The following PCSK2 variants were observed in gnomAD, a reference collection of about 807,000 sequenced individuals.
The protein encoded by PCSK2 is neuroendocrine convertase 2.
In PCSK2, 14 loss-of-function variants were observed where a neutral mutation model predicts 69.7. The observed-to-expected ratio is 0.20, with a 90% CI of 0.13 to 0.31. The LOEUF is 0.31. Among genes scored for constraint, PCSK2 ranks in the 10% least tolerant of loss-of-function variants. PCSK2 has a pLI of 1.00. For missense variants in PCSK2, 544 were observed against 842.5 expected (o/e 0.65, Z 4.39); for synonymous variants, 307 against 320.7 (o/e 0.96, Z 0.46).
At chr20:17,454,294 T>A (rs2032880379) in intron 9 of PCSK2, among the ~76,000 whole-genome samples, 1 of 152,198 alleles carries the variant, frequency 6.6e-6, no homozygotes, top group Admixed American at 6.5e-5. Flanking sequence ...ACTAACTCAT[T>A]GTAAGAACCA....
At chr20:17,347,873 AAAG>A (rs1990706745) in intron 2 of PCSK2, among the ~76,000 whole-genome samples, 1 of 2,822 alleles carries the variant, frequency 3.5e-4, no homozygotes, top group East Asian at 3.4e-3. Context: ...GAGAGAGAAA[AAAG>A]AAAGAAAGAA....
At chr20:17,370,445 G>A (rs537791734) in intron 5 of PCSK2, among the ~76,000 whole-genome samples, 6 of 152,312 alleles carry the variant, frequency 3.9e-5, no homozygotes, top group South Asian at 2.1e-4. Context: ...ATTGAGAGGA[G>A]CATCTTTTTT....
In PCSK2 at chr20:17,246,367, G is replaced by A. The variant is rs141524505; in HGVS notation, c.178-13873G>A. Reference sequence around the variant, plus strand: ...AATCCACTTGGCTGTGGGTTGGAGCGGCTCTATTAGAATTGACTGGGGATA... The same window carrying A: ...AATCCACTTGGCTGTGGGTTGGAGCAGCTCTATTAGAATTGACTGGGGATA... On this transcript the variant is annotated intron_variant, in intron 1 of 11. Coordinates refer to ENST00000262545, the MANE Select transcript of PCSK2 (RefSeq NM_002594.5). Among the ~76,000 whole-genome samples, 451 of 152,190 alleles carry A rather than the reference G, an allele frequency of 3.0e-3. 1 individual carries two copies. Among genetic ancestry groups the A allele is most frequent in the South Asian group, 0.029 (140 of 4,816 alleles).
Position 17,456,925 on chromosome 20 carries a change from AC to A in PCSK2, c.1202+478del, listed in dbSNP as rs1365925374. On this transcript the variant is annotated intron_variant, in intron 10 of 11. Transcript: ENST00000262545. ...TTGTGAAGTGGATTCACTTTTTAAC[AC>A]TGAAACAAGATAGGCAAAGTCACGC... Among the ~76,000 whole-genome samples the A allele has an allele frequency of 2.6e-5, 4 of 152,198 alleles. No individual in the cohort carries two copies. The East Asian group carries it at 7.7e-4, about 29-fold the overall frequency.
intron 2 of PCSK2, among the ~76,000 whole-genome samples, chr20:17,327,097 A>G (rs911351584): frequency 6.6e-6 from 1 of 152,224 alleles, no homozygotes; most frequent in African/African-American, 2.4e-5. Context: ...CAGTAACACA[A>G]TGTAAACAGG....
At chr20:17,350,445 C>T (rs2029944289) in intron 2 of PCSK2, among the ~76,000 whole-genome samples, 2 of 151,880 alleles carry the variant, frequency 1.3e-5, no homozygotes, top group African/African-American at 2.4e-5. Context: ...CCTTTGCTCC[C>T]CTTTCTCCTG....
chr20:17,352,861 G>C (rs920523862), intron 2 of PCSK2, among the ~76,000 whole-genome samples: 3 of 152,066 alleles, frequency 2.0e-5, no homozygotes, highest in Non-Finnish European at 4.4e-5. Flanking sequence ...CCTAATTAAG[G>C]TGCTTCTGCA....
intron 6 of PCSK2, among the ~76,000 whole-genome samples, chr20:17,422,274 G>GAAC (rs2032148944): frequency 3.3e-5 from 5 of 152,162 alleles, no homozygotes. Flanking sequence ...CATTCTCTAA[G>GAAC]TCTGACAAGA....
intron 2 of PCSK2, among the ~76,000 whole-genome samples, chr20:17,303,474 TA>T (rs1989186891): frequency 2.1e-5 from 1 of 47,144 alleles, no homozygotes; most frequent in African/African-American, 7.8e-5. Context: ...ATATATATTA[TA>T]TATAATATAT....
chr20:17,336,999 A>C (rs991347346), intron 2 of PCSK2, among the ~76,000 whole-genome samples: 2 of 152,208 alleles, frequency 1.3e-5, no homozygotes, highest in East Asian at 3.9e-4. Context: ...TTTGATATAG[A>C]GGACATCCAA....
intron 10 of PCSK2, 191 bp from the exon 11 acceptor site, chr20:17,465,135 T>C: frequency 1.7e-6 from 1 of 602,706 alleles, no homozygotes; most frequent in Non-Finnish European, 3.0e-6. Context: ...AGAAGATTTC[T>C]TTAATTGACT....
At chr20:17,253,137 ACT>A (rs1987052773) in intron 1 of PCSK2, among the ~76,000 whole-genome samples, 1 of 152,136 alleles carries the variant, frequency 6.6e-6, no homozygotes, top group Non-Finnish European at 1.5e-5. Flanking sequence ...CTACAGGAAA[ACT>A]CTCATCTATA....
intron 2 of PCSK2, among the ~76,000 whole-genome samples, chr20:17,296,081 T>A (rs967720116): frequency 6.6e-6 from 1 of 152,164 alleles, no homozygotes. Context: ...CCCCAGAATC[T>A]GGTGTCTGTC....
intron 1 of PCSK2, 30 bp downstream of exon 1, chr20:17,227,512 T>C (rs765450435): frequency 1.0e-5 from 16 of 1,588,508 alleles, no homozygotes; most frequent in Middle Eastern, 1.7e-4. Context: ...TCGCATGTTG[T>C]TTCAAAACGG....
In PCSK2 at chr20:17,319,494, C is replaced by T. The variant is rs567510080; in HGVS notation, c.283-38833C>T. On this transcript the variant is annotated intron_variant, in intron 2 of 11. Coordinates refer to ENST00000262545, the MANE Select transcript of PCSK2 (RefSeq NM_002594.5). ...GCCCTGTATATCTCCAACAGAGTAGCCCAAGATTGTTCACATGCTGGTGGT... is the reference window on the plus strand; with the variant it reads ...GCCCTGTATATCTCCAACAGAGTAGTCCAAGATTGTTCACATGCTGGTGGT... 3.9e-5 allele frequency among the ~76,000 whole-genome samples: 6 copies of T among 152,242 alleles called. No homozygotes were observed. The East Asian group carries it at 1.2e-3, about 29-fold the overall frequency.
chr20:17,359,129 T>C (rs2208199), intron 3 of PCSK2, among the ~76,000 whole-genome samples: 114,043 of 152,154 alleles, frequency 0.75, 43,003 homozygotes, highest in African/African-American at 0.81. Flanking sequence ...GTGACTAATT[T>C]GTAAATGTGA....
chr20:17,332,907 G>T (rs1479571395), intron 2 of PCSK2, among the ~76,000 whole-genome samples: 3 of 152,098 alleles, frequency 2.0e-5, no homozygotes, highest in Non-Finnish European at 2.9e-5. Flanking sequence ...CTTATTTTGG[G>T]CTTTGGCTGC....
At chr20:17,262,024 G>A (rs888012743) in intron 2 of PCSK2, among the ~76,000 whole-genome samples, 5 of 152,166 alleles carry the variant, frequency 3.3e-5, no homozygotes, top group African/African-American at 9.7e-5. Context: ...TGGTCAGAGA[G>A]ACTATTTAGC....
chr20:17,361,302 C>T (rs759394189), intron 4 of PCSK2, among the ~76,000 whole-genome samples: 21 of 152,320 alleles, frequency 1.4e-4, no homozygotes, highest in Middle Eastern at 3.4e-3. Flanking sequence ...TTACAGACAT[C>T]CCTTACATGT....
Sources: gnomAD v4.1 joint callset for allele counts (sites outside exome capture counted in the v4.1 genomes callset) on GRCh38, gnomAD v4.1.1 for gene constraint, MANE v1.5 for transcripts, NCBI Gene and HGNC (gene_info 2026-07-23, HGNC 2026-07-21) for gene names.